PCNX1: variants seen among roughly 807,000 people sequenced by gnomAD.
The protein encoded by PCNX1 is pecanex-like protein 1.
A neutral mutation model predicts 242.2 loss-of-function variants in PCNX1; 78 were observed. The observed-to-expected ratio is 0.32, with a 90% CI of 0.27 to 0.39. The LOEUF is 0.39. Among genes scored for constraint, PCNX1 ranks in the 10% least tolerant of loss-of-function variants. The probability of loss-of-function intolerance (pLI) is 1.00; values close to 1 mark genes in which losing one functional copy is unlikely to be tolerated. For synonymous variants in PCNX1, 1,024 were observed against 1,032.9 expected (o/e 0.99, Z 0.17); for missense variants, 2,581 against 2,856.5 (o/e 0.90, Z 2.20).
At chr14:70,959,537 T>G (rs1267764393) in intron 2 of PCNX1, among the ~76,000 whole-genome samples, 1 of 152,044 alleles carries the variant, frequency 6.6e-6, no homozygotes, top group Non-Finnish European at 1.5e-5. Context: ...ATTTCATTCG[T>G]GTCCCTACAA....
At position 71,086,874 on chromosome 14, in the gene PCNX1, C is replaced by T. The variant is rs142845361; in HGVS notation, c.5338-1456C>T. On this transcript the variant is annotated intron_variant, in intron 28 of 35. Coordinates refer to ENST00000304743, the MANE Select transcript of PCNX1 (RefSeq NM_014982.3). ...CATTTGTTTCCTGTCTCTCAGGGAC[C>T]GGTGTCCAGTGTCTAAAAACTGTTG... Among the ~76,000 whole-genome samples, 597 of 152,204 alleles carry T rather than the reference C, an allele frequency of 3.9e-3. 1 individual carries two copies. The highest frequency in any genetic ancestry group is 0.013 in the African/African-American group (525 of 41,514).
intron 1 of PCNX1, among the ~76,000 whole-genome samples, chr14:70,910,228 C>A (rs2055832993): frequency 9.8e-6 from 1 of 102,558 alleles, no homozygotes; most frequent in Non-Finnish European, 2.1e-5. Flanking sequence ...CCTCCTCCTC[C>A]TCTCACCAGC....
intron 23 of PCNX1, 129 bp from the exon 24 acceptor site, chr14:71,051,754 T>G: frequency 1.2e-6 from 1 of 827,328 alleles, no homozygotes; most frequent in South Asian, 1.7e-5. Flanking sequence ...ATACCTTCTT[T>G]TGTATTCTTC....
At chr14:70,933,254 G>A (rs757008007) in intron 1 of PCNX1, among the ~76,000 whole-genome samples, 8 of 152,158 alleles carry the variant, frequency 5.3e-5, no homozygotes, top group Admixed American at 2.6e-4. Flanking sequence ...TGGTGTTGGC[G>A]GTGATAGATT....
chr14:70,977,875 A>G lies in PCNX1; in HGVS notation c.1538A>G (p.Asn513Ser), dbSNP rs145677688. The change falls in exon 6 of 36, where the codon AAC becomes AGC. Residue 513 changes from asparagine (N) to serine (S), a missense_variant. This residue lies in a region of PCNX1 where 1,204 missense variants were observed against 1,216.7 expected (regional missense o/e 0.99). Coordinates refer to ENST00000304743, the MANE Select transcript of PCNX1 (RefSeq NM_014982.3). ...GDRPPGNTAE[N>S]KEEKSDKSAV... Reference sequence around the variant, plus strand: ...AGACCACCTGGGAACACTGCAGAAAACAAAGAAGAGAAGAGTGATAAGTCA... The same window carrying G: ...AGACCACCTGGGAACACTGCAGAAAGCAAAGAAGAGAAGAGTGATAAGTCA... 3.3e-5 allele frequency: 54 copies of G among 1,614,132 alleles called. No homozygotes were observed. The African/African-American group carries it at 6.8e-4, about 20-fold the overall frequency.
At position 70,952,664 on chromosome 14, in the gene PCNX1, A is replaced by G. The variant is rs79598574; in HGVS notation, c.362+5541A>G. ...CTAGAGTTTATTCATATTGACCTAC[A>G]TGTAGTCTGCCACTGTAAGAATAGA... is the stretch of plus-strand genomic sequence containing the variant. On this transcript the variant is annotated intron_variant, in intron 2 of 35. Transcript: ENST00000304743. Among the ~76,000 whole-genome samples, 1,366 of 152,240 alleles carry G rather than the reference A, an allele frequency of 9.0e-3. 10 individuals are homozygous for G. The highest frequency in any genetic ancestry group is 0.012 in the Non-Finnish European group (843 of 68,006).
chr14:71,084,980 G>A lies in PCNX1; in HGVS notation c.5338-3350G>A, dbSNP rs375233002. Among the ~76,000 whole-genome samples, 654 of 152,300 alleles carry A rather than the reference G, an allele frequency of 4.3e-3. 1 individual carries two copies. Among genetic ancestry groups the A allele is most frequent in the African/African-American group, 0.013 (522 of 41,566 alleles). On this transcript the variant is annotated intron_variant, in intron 28 of 35. Coordinates refer to ENST00000304743, the MANE Select transcript of PCNX1 (RefSeq NM_014982.3). ...CCCAGGGCCCTGGTGGTATAGGCACGCGAGGGAATCTCTTGGTCTGTGGGT... is the reference window on the plus strand; with the variant it reads ...CCCAGGGCCCTGGTGGTATAGGCACACGAGGGAATCTCTTGGTCTGTGGGT...
At position 70,933,865 on chromosome 14, in the gene PCNX1, A is replaced by G. The variant is rs574596415; in HGVS notation, c.154-13050A>G. ...TAGATTTAATTGATAATCACTTTGTAACATAGACTGGAAAAGATGCATTGA... is the reference window on the plus strand; with the variant it reads ...TAGATTTAATTGATAATCACTTTGTGACATAGACTGGAAAAGATGCATTGA... On this transcript the variant is annotated intron_variant, in intron 1 of 35. Transcript: ENST00000304743. 2.0e-5 allele frequency among the ~76,000 whole-genome samples: 3 copies of G among 152,342 alleles called. No individual in the cohort carries two copies. In the South Asian group the frequency reaches 6.2e-4, roughly 32 times the overall value.
intron 6 of PCNX1, among the ~76,000 whole-genome samples, chr14:70,983,844 T>A (rs1189939026): frequency 6.6e-6 from 1 of 151,532 alleles, no homozygotes; most frequent in Non-Finnish European, 1.5e-5. Flanking sequence ...ACAAAATCTT[T>A]GTATGTTGAT....
intron 30 of PCNX1, chr14:71,093,745 C>T (rs2062198883): frequency 6.6e-6 from 1 of 152,316 alleles, no homozygotes; most frequent in Non-Finnish European, 1.5e-5. Context: ...ACCTCTGAGA[C>T]TGCAAGACCA....
chr14:71,046,903 C>G, intron 20 of PCNX1, 61 bp from the exon 21 acceptor site: 1 of 1,385,360 alleles, frequency 7.2e-7, no homozygotes, highest in South Asian at 1.7e-5. Context: ...TTTTCTTTCT[C>G]ATCACATTGA....
intron 8 of PCNX1, among the ~76,000 whole-genome samples, chr14:71,007,990 G>T (rs1230306570): frequency 6.6e-6 from 1 of 151,890 alleles, no homozygotes; most frequent in Non-Finnish European, 1.5e-5. Flanking sequence ...TAATTTACAT[G>T]CTGAATAACC....
chr14:71,037,536 A>C (rs1436359752), intron 19 of PCNX1, among the ~76,000 whole-genome samples: 7 of 151,284 alleles, frequency 4.6e-5, no homozygotes, highest in Admixed American at 1.3e-4. Flanking sequence ...TTCTGCATCT[A>C]TTGAGATAAT....
At chr14:70,960,875 A>T (rs1033551532) in intron 2 of PCNX1, among the ~76,000 whole-genome samples, 3 of 151,614 alleles carry the variant, frequency 2.0e-5, no homozygotes, top group African/African-American at 7.3e-5. Context: ...CCAATAACAG[A>T]CAAACAGAGA....
rs5809506 is a variant in PCNX1 at position 70,993,124 on chromosome 14, A to ATT, written c.2445-2604_2445-2603dup. Reference sequence around the variant, plus strand: ...ATTTTAATAAAAATTATCTAAATTAATTTTTTTTTTTTTTGAGACAGAGTC... The same window carrying ATT: ...ATTTTAATAAAAATTATCTAAATTAATTTTTTTTTTTTTTTTGAGACAGAGTC... On this transcript the variant is annotated intron_variant, in intron 7 of 35. Coordinates refer to ENST00000304743, the MANE Select transcript of PCNX1 (RefSeq NM_014982.3). Among the ~76,000 whole-genome samples the ATT allele has an allele frequency of 9.1e-3, 1,330 of 145,982 alleles. 29 individuals carry two copies. The highest frequency in any genetic ancestry group is 0.03 in the African/African-American group (1,197 of 39,892).
chr14:71,088,247 C>T (rs2062041807), intron 28 of PCNX1, 83 bp from the exon 29 acceptor site: 1 of 701,510 alleles, frequency 1.4e-6, no homozygotes, highest in Non-Finnish European at 2.5e-6. Flanking sequence ...AATTCTTTAT[C>T]ATTTCGCTAT....
At chr14:71,005,501 C>T (rs1409603421) in intron 8 of PCNX1, among the ~76,000 whole-genome samples, 4 of 146,090 alleles carry the variant, frequency 2.7e-5, no homozygotes, top group Non-Finnish European at 4.5e-5. Flanking sequence ...GAGTGAGTCT[C>T]TGTCTAAAAA....
Position 71,113,816 on chromosome 14 carries a change from T to G in PCNX1, c.*3881T>G, listed in dbSNP as rs947624628. 2 of 152,182 alleles carry G rather than the reference T, an allele frequency of 1.3e-5. No individual in the cohort carries two copies. The highest frequency in any genetic ancestry group is 4.8e-5 in the African/African-American group (2 of 41,438). 9.4% of individuals were successfully genotyped at this position (152,182 alleles called of 1,614,324 possible). The stretch of plus-strand genomic sequence containing the variant: ...TTAATTTCATTTATATTTATTTTAA[T>G]TAATTTGTCATGAATATGGACAAAG... On this transcript the variant is annotated 3_prime_UTR_variant, in exon 36 of 36. Transcript: ENST00000304743.
chr14:71,109,745 T>C, intron 35 of PCNX1, 50 bp from the exon 36 acceptor site: 1 of 1,600,014 alleles, frequency 6.2e-7, no homozygotes, highest in African/African-American at 1.3e-5. Context: ...AGTTTGTGAG[T>C]ATATTCCAGG....
Sources: allele counts gnomAD v4.1 joint callset (sites outside exome capture counted in the v4.1 genomes callset), GRCh38; gene constraint gnomAD v4.1.1; regional missense constraint gnomAD v4.1.1; transcripts MANE v1.5; gene names NCBI Gene and HGNC (gene_info 2026-07-23, HGNC 2026-07-21).